The following NDUFAF2 variants were observed in gnomAD, a reference collection of about 807,000 sequenced individuals.
The protein encoded by NDUFAF2 is NADH dehydrogenase [ubiquinone] 1 alpha subcomplex assembly factor 2.
NDUFAF2 carries 13 observed loss-of-function variants against 22.8 expected under a neutral mutation model. That is an observed-to-expected ratio of 0.57 (90% confidence interval 0.37 to 0.91). NDUFAF2 has a LOEUF of 0.91. Among genes scored for constraint, NDUFAF2 ranks in the 40% least tolerant of loss-of-function variants. The probability of loss-of-function intolerance (pLI) is 0.01; values close to 1 mark genes in which losing one functional copy is unlikely to be tolerated. For missense variants in NDUFAF2, 162 were observed against 195.2 expected (o/e 0.83, Z 1.01); for synonymous variants, 53 against 64.2 (o/e 0.83, Z 0.84).
intron 1 of NDUFAF2, among the ~76,000 whole-genome samples, chr5:60,962,422 C>T (rs1048355249): frequency 3.3e-5 from 5 of 152,124 alleles, no homozygotes; most frequent in African/African-American, 4.8e-5. Flanking sequence ...ACCTTGGCCA[C>T]GTTTTCAATT....
intron 1 of NDUFAF2, among the ~76,000 whole-genome samples, chr5:60,988,599 A>C (rs1027725676): frequency 8.5e-5 from 13 of 152,170 alleles, no homozygotes; most frequent in African/African-American, 2.9e-4. Flanking sequence ...CCAATGGAAC[A>C]GAATAGAGAG....
chr5:61,096,961 C>CA (rs1232480613), intron 2 of NDUFAF2, among the ~76,000 whole-genome samples: 140 of 148,018 alleles, frequency 9.5e-4, no homozygotes, highest in African/African-American at 3.0e-3. Flanking sequence ...GAGACTGTCT[C>CA]AAAAAAAAAG....
chr5:60,989,220 A>G (rs1011751681), intron 1 of NDUFAF2, among the ~76,000 whole-genome samples: 2 of 152,170 alleles, frequency 1.3e-5, no homozygotes, highest in Non-Finnish European at 2.9e-5. Flanking sequence ...GATATCTTAT[A>G]TTAGTCAGAA....
chr5:61,061,700 A>G (rs114734663), intron 1 of NDUFAF2, among the ~76,000 whole-genome samples: 116 of 152,240 alleles, frequency 7.6e-4, no homozygotes, highest in African/African-American at 2.7e-3. Context: ...AAAGACCTTG[A>G]GCTGAGGAAC....
intron 1 of NDUFAF2, among the ~76,000 whole-genome samples, chr5:60,965,397 C>T (rs2112569890): frequency 6.6e-6 from 1 of 152,176 alleles, no homozygotes; most frequent in Non-Finnish European, 1.5e-5. Flanking sequence ...TAAGATCTAC[C>T]TTAGCAATTT....
chr5:61,045,845 C>T (rs1242102602), intron 1 of NDUFAF2, among the ~76,000 whole-genome samples: 4 of 151,926 alleles, frequency 2.6e-5, no homozygotes, highest in Admixed American at 2.6e-4. Flanking sequence ...TCTAGGACTT[C>T]CAGTATTATA....
At chr5:60,947,116 A>G (rs1750472171) in intron 1 of NDUFAF2, among the ~76,000 whole-genome samples, 1 of 152,200 alleles carries the variant, frequency 6.6e-6, no homozygotes, top group Non-Finnish European at 1.5e-5. Context: ...GTAAGTTTTC[A>G]TATCTCTTGG....
chr5:60,972,776 T>TG (rs1429922582), intron 1 of NDUFAF2, among the ~76,000 whole-genome samples: 3 of 150,766 alleles, frequency 2.0e-5, no homozygotes, highest in Non-Finnish European at 4.4e-5. Context: ...GTATTCTGTT[T>TG]TTTTTTTTTT....
intron 1 of NDUFAF2, among the ~76,000 whole-genome samples, chr5:60,960,295 G>A (rs932745836): frequency 6.6e-6 from 1 of 152,112 alleles, no homozygotes. Context: ...TAAATACTGT[G>A]TATAGGCACT....
chr5:61,117,583 T>A (rs1405695444), intron 3 of NDUFAF2, among the ~76,000 whole-genome samples: 1 of 152,136 alleles, frequency 6.6e-6, no homozygotes, highest in Non-Finnish European at 1.5e-5. Flanking sequence ...CTGCAACTGT[T>A]AGACTCAAGC....
At chr5:60,972,257 T>A (rs1047929000) in intron 1 of NDUFAF2, among the ~76,000 whole-genome samples, 42 of 151,686 alleles carry the variant, frequency 2.8e-4, no homozygotes, top group African/African-American at 9.7e-4. Context: ...TTTTTTTTTT[T>A]AATTCTTAGC....
chr5:61,105,570 A>C (rs295558), intron 3 of NDUFAF2, among the ~76,000 whole-genome samples: 20 of 150,662 alleles, frequency 1.3e-4, no homozygotes, highest in Non-Finnish European at 2.5e-4. Context: ...AAAAAACTTA[A>C]GAATGAACTG....
intron 1 of NDUFAF2, among the ~76,000 whole-genome samples, chr5:60,953,641 G>A (rs1750577116): frequency 6.6e-6 from 1 of 152,128 alleles, no homozygotes; most frequent in African/African-American, 2.4e-5. Flanking sequence ...TTTGTTGGGT[G>A]TAGTTTCTAC....
At chr5:61,013,606 T>C (rs903098188) in intron 1 of NDUFAF2, among the ~76,000 whole-genome samples, 1 of 152,154 alleles carries the variant, frequency 6.6e-6, no homozygotes, top group African/African-American at 2.4e-5. Flanking sequence ...ACATTGAATG[T>C]GCTTCTCTAG....
chr5:61,024,637 G>C (rs1276959879), intron 1 of NDUFAF2, among the ~76,000 whole-genome samples: 1 of 152,006 alleles, frequency 6.6e-6, no homozygotes, highest in Non-Finnish European at 1.5e-5. Context: ...ACATGGCAGA[G>C]CTCTATTTAA....
intron 1 of NDUFAF2, among the ~76,000 whole-genome samples, chr5:60,952,381 A>G (rs1037636182): frequency 1.3e-5 from 2 of 151,818 alleles, no homozygotes; most frequent in African/African-American, 4.8e-5. Flanking sequence ...ACATTTCACA[A>G]ATTTTTATCT....
intron 3 of NDUFAF2, among the ~76,000 whole-genome samples, chr5:61,130,615 T>A (rs1753097321): frequency 6.6e-6 from 1 of 152,072 alleles, no homozygotes. Context: ...GTCAATGAGA[T>A]TTACCTTCCC....
intron 3 of NDUFAF2, among the ~76,000 whole-genome samples, chr5:61,121,157 A>G (rs766351610): frequency 1.3e-5 from 2 of 152,168 alleles, no homozygotes; most frequent in Non-Finnish European, 2.9e-5. Flanking sequence ...GTGATAAAAT[A>G]CTATGCCCAT....
At chr5:60,992,209 A>G (rs1409234640) in intron 1 of NDUFAF2, among the ~76,000 whole-genome samples, 1 of 152,074 alleles carries the variant, frequency 6.6e-6, no homozygotes, top group African/African-American at 2.4e-5. Flanking sequence ...CCCTTGTCAG[A>G]TGGGTAGTTG....
Sources: gnomAD v4.1 joint callset for allele counts (sites outside exome capture counted in the v4.1 genomes callset) on GRCh38, gnomAD v4.1.1 for gene constraint, MANE v1.5 for transcripts, NCBI Gene and HGNC (gene_info 2026-07-23, HGNC 2026-07-21) for gene names.